MED12L: variants seen among roughly 807,000 people sequenced by gnomAD.
MED12L encodes mediator complex subunit 12L.
A neutral mutation model predicts 281.3 loss-of-function variants in MED12L; 60 were observed. The observed-to-expected ratio is 0.21, with a 90% CI of 0.17 to 0.26. The LOEUF (loss-of-function observed/expected upper bound fraction) is 0.26. Among genes scored for constraint, MED12L ranks in the 10% least tolerant of loss-of-function variants. The probability of loss-of-function intolerance (pLI) is 1.00; values close to 1 mark genes in which losing one functional copy is unlikely to be tolerated. For synonymous variants in MED12L, 974 were observed against 987.2 expected (o/e 0.99, Z 0.25); for missense variants, 2,146 against 2,680.9 (o/e 0.80, Z 4.41).
chr3:151,253,801 G>A (rs1230949162), intron 16 of MED12L, among the ~76,000 whole-genome samples: 2 of 152,074 alleles, frequency 1.3e-5, no homozygotes, highest in African/African-American at 4.8e-5. Context: ...TACTTTCTGG[G>A]CTTGAAACAT....
At chr3:151,406,508 A>G (rs1716326183) in intron 39 of MED12L, among the ~76,000 whole-genome samples, 3 of 152,094 alleles carry the variant, frequency 2.0e-5, no homozygotes, top group Admixed American at 2.0e-4. Context: ...GATGTTTGTG[A>G]TTTTCTCAGG....
intron 16 of MED12L, among the ~76,000 whole-genome samples, chr3:151,277,520 C>T (rs1356367238): frequency 2.0e-4 from 30 of 151,886 alleles, no homozygotes; most frequent in Admixed American, 2.0e-3. Flanking sequence ...TTCATTTTCT[C>T]CGTAGGATTG....
rs369971273 is a variant in MED12L, at chr3:151,114,309, C to T, written c.100-2029C>T. Among the ~76,000 whole-genome samples, 45 of 152,262 alleles carry T rather than the reference C, an allele frequency of 3.0e-4. 1 individual carries two copies. The South Asian group carries it at 9.1e-3, about 31-fold the overall frequency. On this transcript the variant is annotated intron_variant, in intron 2 of 44. Transcript: ENST00000687756. ...CTTGATTACCATAGAGTGAAATTTC[C>T]TATAGCGGGGTCTTTTGAAAACCCG...
Position 151,086,758 on chromosome 3 carries a change from A to G in MED12L, c.-129-40A>G. The G allele has an allele frequency of 5.4e-6, 3 of 551,246 alleles. No individual in the cohort carries two copies. The Admixed American group carries it at 1.1e-4, about 20-fold the overall frequency. The allele number at this position is 551,246 out of a possible 1,614,324, so 34.1% of individuals were successfully genotyped here. On this transcript the variant is annotated intron_variant, in intron 1 of 44. Coordinates refer to ENST00000687756, the MANE Select transcript of MED12L (RefSeq NM_001393769.1). Reference sequence around the variant, plus strand: ...CATCAGTGCGTGTCTGCTGCCGGGCAGCGGCAGCATCCAACCTGCTTTATT... The same window carrying G: ...CATCAGTGCGTGTCTGCTGCCGGGCGGCGGCAGCATCCAACCTGCTTTATT...
intron 5 of MED12L, among the ~76,000 whole-genome samples, chr3:151,155,514 A>G (rs1719156366): frequency 1.3e-5 from 2 of 152,170 alleles, no homozygotes; most frequent in East Asian, 1.9e-4. Context: ...GAGTAGAATA[A>G]TTGAAGATCC....
Position 151,432,766 on chromosome 3 carries a change from C to G in MED12L, c.6505C>G (p.Gln2169Glu). 1 of 1,613,254 alleles carries G rather than the reference C, an allele frequency of 6.2e-7. No individual in the cohort carries two copies. The highest frequency in any genetic ancestry group is 8.5e-7 in the Non-Finnish European group (1 of 1,179,502). The change falls in exon 45 of 45, where the codon CAA (glutamine) becomes GAA (glutamate). Residue 2169 changes from glutamine (Q) to glutamate (E), a missense_variant. By Grantham distance (29) the Gln-to-Glu change is conservative. This residue lies in a region of MED12L where 25 missense variants were observed against 24.9 expected (regional missense o/e 1.00). Coordinates refer to ENST00000687756, the MANE Select transcript of MED12L (RefSeq NM_001393769.1). The stretch of plus-strand genomic sequence containing the variant: ...TTTCTCCTTAGGCAACCAGCCACAG[C>G]AAGGAGTGACTCCGTATGGGCATCC... ...QKQLSSNQPQ[Q>E]GVTPYGHPSH...
At chr3:151,242,453 T>A (rs1253734003) in intron 16 of MED12L, among the ~76,000 whole-genome samples, 1 of 151,748 alleles carries the variant, frequency 6.6e-6, no homozygotes, top group African/African-American at 2.4e-5. Flanking sequence ...CCTCCTCAAG[T>A]GGGTCCCTGA....
In MED12L at chr3:151,188,521, G is replaced by T. The variant is rs78564728; in HGVS notation, c.1753+41G>T. ...TCTTTGCCTCTAGATCTTAAATAAG[G>T]GATTGATTTTTTTTTTCTGATTCCT... On this transcript the variant is annotated intron_variant, in intron 13 of 44. Transcript: ENST00000687756. 3.8e-3 allele frequency: 5,775 copies of T among 1,522,918 alleles called. 99 individuals carry two copies. The African/African-American group carries it at 0.038, about 10-fold the overall frequency. The allele number at this position is 1,522,918 out of a possible 1,614,324, so 94.3% of individuals were successfully genotyped here.
intron 41 of MED12L, among the ~76,000 whole-genome samples, 181 bp from the exon 42 acceptor site, chr3:151,412,958 T>C (rs1717128158): frequency 6.6e-6 from 1 of 152,276 alleles, no homozygotes; most frequent in African/African-American, 2.4e-5. Flanking sequence ...ATGTGCTTGC[T>C]GTACTTTTTC....
intron 16 of MED12L, among the ~76,000 whole-genome samples, chr3:151,200,113 CT>C (rs1404769901): frequency 6.9e-6 from 1 of 145,584 alleles, no homozygotes; most frequent in East Asian, 2.2e-4. Context: ...CTTTTTTTTT[CT>C]TTCATTGTGG....
chr3:151,197,823 A>G (rs968516289), intron 16 of MED12L: 1 of 152,686 alleles, frequency 6.5e-6, no homozygotes, highest in African/African-American at 2.4e-5. Flanking sequence ...TAATACATTA[A>G]AGATTGTCTA....
chr3:151,345,529 T>G (rs1261398514), intron 16 of MED12L, among the ~76,000 whole-genome samples: 10 of 147,384 alleles, frequency 6.8e-5, no homozygotes, highest in African/African-American at 2.5e-4. Context: ...TTTTTTTTTT[T>G]TTTTTGAGAC....
At position 151,127,839 on chromosome 3, in the gene MED12L, T is replaced by TA. The variant is rs879130570; in HGVS notation, c.417dup (p.Glu140ArgfsTer9). On this transcript the variant is annotated frameshift_variant, in exon 5 of 45. Coordinates refer to ENST00000687756, the MANE Select transcript of MED12L (RefSeq NM_001393769.1). LOFTEE classifies it high-confidence loss of function. Reference sequence around the variant, plus strand: ...TTTCTTTTTAGGTTCCTATCCTTAGTAAAAAAGAGGATGTTTTTGCATATT... The same window carrying TA: ...TTTCTTTTTAGGTTCCTATCCTTAGTAAAAAAAGAGGATGTTTTTGCATATT... The TA allele has an allele frequency of 6.2e-7, 1 of 1,609,090 alleles. No homozygotes were observed. The highest frequency in any genetic ancestry group is 8.5e-7 in the Non-Finnish European group (1 of 1,175,756).
intron 16 of MED12L, among the ~76,000 whole-genome samples, chr3:151,322,782 A>G (rs1749140932): frequency 6.6e-6 from 1 of 152,038 alleles, no homozygotes; most frequent in Non-Finnish European, 1.5e-5. Context: ...CCAAGGCATC[A>G]TCCCCTGTTC....
chr3:151,329,007 C>T (rs766350629), intron 16 of MED12L: 10 of 1,574,850 alleles, frequency 6.3e-6, no homozygotes, highest in African/African-American at 1.4e-5. Flanking sequence ...TCCAGTGTCA[C>T]CTGTTACCAA....
At chr3:151,300,602 G>T (rs1018887127) in intron 16 of MED12L, among the ~76,000 whole-genome samples, 2 of 152,188 alleles carry the variant, frequency 1.3e-5, no homozygotes, top group Admixed American at 6.5e-5. Flanking sequence ...TCTGGAAAGT[G>T]CAGCTAAAGT....
At chr3:151,218,781 T>A (rs1577005651) in intron 16 of MED12L, among the ~76,000 whole-genome samples, 1 of 145,458 alleles carries the variant, frequency 6.9e-6, no homozygotes, top group East Asian at 2.1e-4. Flanking sequence ...GCAGGAGAAT[T>A]GCTTGAACCT....
intron 2 of MED12L, among the ~76,000 whole-genome samples, chr3:151,088,771 T>G (rs1368282641): frequency 6.6e-6 from 1 of 152,206 alleles, no homozygotes; most frequent in African/African-American, 2.4e-5. Flanking sequence ...TGGGAAAGCT[T>G]GACTCGTTTA....
At chr3:151,202,035 G>A (rs540487012) in intron 16 of MED12L, among the ~76,000 whole-genome samples, 3 of 152,268 alleles carry the variant, frequency 2.0e-5, no homozygotes, top group Non-Finnish European at 2.9e-5. Flanking sequence ...GATATATACC[G>A]TACATGAATA....
Sources: gnomAD v4.1 joint callset for allele counts (sites outside exome capture counted in the v4.1 genomes callset) on GRCh38, gnomAD v4.1.1 for gene constraint, gnomAD v4.1.1 regional missense constraint, MANE v1.5 for transcripts, NCBI Gene and HGNC (gene_info 2026-07-23, HGNC 2026-07-21) for gene names.